Variants in ADAMTSL1 observed in about 807,000 individuals in gnomAD.
ADAMTSL1 encodes the protein ADAMTS-like protein 1.
A neutral mutation model predicts 201.8 loss-of-function variants in ADAMTSL1; 126 were observed. The observed-to-expected ratio is 0.62, with a 90% confidence interval of 0.54 to 0.72. The LOEUF (loss-of-function observed/expected upper bound fraction) is 0.72. ADAMTSL1 is among the 30% of genes least tolerant of loss of function. The pLI, the probability that ADAMTSL1 is intolerant of heterozygous loss-of-function variation, is 0.00. For synonymous variants in ADAMTSL1, 1,121 were observed against 903.4 expected, an observed-to-expected ratio of 1.24 and a Z score of -4.32; for missense variants, 2,679 against 2,277.8, an observed-to-expected ratio of 1.18 and a Z score of -3.59.
chr9:18,481,555 G>A (rs773317299), intron 1 of ADAMTSL1, among the ~76,000 whole-genome samples: 8 of 151,012 alleles, frequency 5.3e-5, no homozygotes, highest in Non-Finnish European at 7.4e-5. Context: ...CAACAGTTCT[G>A]TGATGGACAT....
chr9:18,400,025 G>T (rs1346673071), intron 2 of ADAMTSL1, among the ~76,000 whole-genome samples: 1 of 151,896 alleles, frequency 6.6e-6, no homozygotes, highest in East Asian at 1.9e-4. Flanking sequence ...GATGATTGAT[G>T]AGTGCTTTAC....
intron 1 of ADAMTSL1, among the ~76,000 whole-genome samples, chr9:18,003,497 C>G (rs564072495): frequency 6.6e-6 from 1 of 152,218 alleles, no homozygotes; most frequent in South Asian, 2.1e-4. Context: ...GTCTGCATTT[C>G]TTTCCCATCG....
chr9:18,355,979 A>C (rs1399168412), intron 2 of ADAMTSL1, among the ~76,000 whole-genome samples: 1 of 152,204 alleles, frequency 6.6e-6, no homozygotes, highest in Non-Finnish European at 1.5e-5. Flanking sequence ...GCTGCAGGAG[A>C]TGGCCCACCC....
Position 18,904,665 on chromosome 9 carries a change from AAAAAAAAGGTC to A in ADAMTSL1, c.4852-1116_4852-1106del. ...AAAAAAAAAAAAAAAAAAAAAAAAA[AAAAAAAAGGTC>A]CGTTTATGTGTATTTTACGATTTAA... On this transcript the variant is annotated intron_variant, in intron 26 of 28. Coordinates refer to ENST00000380548, the MANE Select transcript of ADAMTSL1 (RefSeq NM_001040272.6). Among the ~76,000 whole-genome samples the A allele has an allele frequency of 1.8e-5, 2 of 113,272 alleles. 1 individual carries two copies. The highest frequency in any genetic ancestry group is 5.9e-4 in the South Asian group (2 of 3,408). The allele number at this position is 113,272 out of a possible 152,430, so 74.3% of individuals were successfully genotyped here. A position where few individuals can be genotyped will look rare whatever the true frequency, so the allele number is the denominator to read the frequency against.
intron 26 of ADAMTSL1, 39 bp from the exon 27 acceptor site, chr9:18,905,743 T>G: frequency 1.3e-6 from 2 of 1,553,364 alleles, no homozygotes; most frequent in Non-Finnish European, 1.8e-6. Flanking sequence ...ACCCTTGACT[T>G]GGCTAATGTG....
intron 13 of ADAMTSL1, among the ~76,000 whole-genome samples, chr9:18,687,114 A>G (rs755282414): frequency 6.6e-6 from 1 of 152,238 alleles, no homozygotes; most frequent in Non-Finnish European, 1.5e-5. Flanking sequence ...AATTACTTTT[A>G]TACCAAAATA....
At chr9:18,870,813 T>C (rs1434795721) in intron 23 of ADAMTSL1, among the ~76,000 whole-genome samples, 1 of 152,214 alleles carries the variant, frequency 6.6e-6, no homozygotes, top group East Asian at 1.9e-4. Flanking sequence ...GTTTTGTTTT[T>C]GTTTAGATTT....
chr9:18,805,667 C>A (rs1321444171), intron 20 of ADAMTSL1, among the ~76,000 whole-genome samples: 1 of 152,156 alleles, frequency 6.6e-6, no homozygotes, highest in South Asian at 2.1e-4. Context: ...TGTAGACAGC[C>A]CTTTCTCCTG....
chr9:18,206,811 A>G (rs1829666568), intron 2 of ADAMTSL1, among the ~76,000 whole-genome samples: 1 of 152,154 alleles, frequency 6.6e-6, no homozygotes, highest in Non-Finnish European at 1.5e-5. Flanking sequence ...ATTATCTAGA[A>G]ATCTCTTGAC....
intron 1 of ADAMTSL1, among the ~76,000 whole-genome samples, chr9:18,016,862 C>T (rs538942664): frequency 6.6e-6 from 1 of 152,090 alleles, no homozygotes; most frequent in African/African-American, 2.4e-5. Flanking sequence ...TGGAAGCTGG[C>T]TTTGTAGCAA....
At chr9:18,294,921 T>G (rs1252885540) in intron 2 of ADAMTSL1, among the ~76,000 whole-genome samples, 3 of 152,132 alleles carry the variant, frequency 2.0e-5, no homozygotes, top group African/African-American at 7.2e-5. Context: ...ATGTCCTTCT[T>G]CTATCTTCCC....
chr9:18,543,984 C>T (rs774722640), intron 3 of ADAMTSL1, among the ~76,000 whole-genome samples: 1 of 152,202 alleles, frequency 6.6e-6, no homozygotes, highest in Non-Finnish European at 1.5e-5. Flanking sequence ...TCTGCTTCAA[C>T]TCTGACTCTC....
intron 1 of ADAMTSL1, among the ~76,000 whole-genome samples, chr9:18,000,795 A>G (rs1655168974): frequency 1.3e-5 from 2 of 152,230 alleles, no homozygotes; most frequent in South Asian, 4.1e-4. Flanking sequence ...TGCAGATGTC[A>G]TAGGCCAGAG....
rs33910243 is a variant in ADAMTSL1, at chr9:18,828,661, T to TTG, written c.4115-1182_4115-1181insTG. Among the ~76,000 whole-genome samples the TTG allele has an allele frequency of 1.3e-4, 8 of 60,408 alleles. 1 individual carries two copies. The highest frequency in any genetic ancestry group is 4.7e-4 in the African/African-American group (8 of 16,940). The allele number at this position is 60,408 out of a possible 152,430, so 39.6% of individuals were successfully genotyped here. A position where few individuals can be genotyped will look rare whatever the true frequency, so the allele number is the denominator to read the frequency against. On this transcript the variant is annotated intron_variant, in intron 22 of 28. Transcript: ENST00000380548. Reference sequence around the variant, plus strand: ...AAAAGGATTCTTTTGAAAGTATATTTATATATATATATATATATATATATA... The same window carrying TTG: ...AAAAGGATTCTTTTGAAAGTATATTTTGATATATATATATATATATATATATA...
rs114993879 is a variant in ADAMTSL1, at chr9:18,248,710, G to A, written c.207+84729G>A. ...TGCGGCAAACGCATCGTCCATTGCG[G>A]GGGGCCATAACCCTTTTTTGGTCTG... On this transcript the variant is annotated intron_variant, in intron 2 of 29. Transcript: ENST00000680146. Among the ~76,000 whole-genome samples the A allele has an allele frequency of 6.8e-3, 1,032 of 152,260 alleles. 17 individuals are homozygous for A. Among genetic ancestry groups the A allele is most frequent in the African/African-American group, 0.024 (1,001 of 41,536 alleles).
At chr9:18,128,728 C>G (rs10963461) in intron 1 of ADAMTSL1, among the ~76,000 whole-genome samples, 25,642 of 152,046 alleles carry the variant, frequency 0.17, 2,744 homozygotes, top group South Asian at 0.24. Context: ...GGATCTCTCT[C>G]TCCCCCCTTT....
intron 1 of ADAMTSL1, among the ~76,000 whole-genome samples, chr9:17,932,395 A>G (rs187105690): frequency 6.6e-6 from 1 of 152,262 alleles, no homozygotes; most frequent in African/African-American, 2.4e-5. Context: ...AGGAGGAAAA[A>G]AGGGAGAAAT....
At chr9:18,203,526 A>G (rs763010617) in intron 2 of ADAMTSL1, among the ~76,000 whole-genome samples, 7 of 151,374 alleles carry the variant, frequency 4.6e-5, no homozygotes, top group Non-Finnish European at 7.4e-5. Flanking sequence ...ATCAGAAAAG[A>G]AAGTTGAGCA....
chr9:18,469,003 C>T (rs371658830), intron 2 of ADAMTSL1, among the ~76,000 whole-genome samples: 1 of 152,218 alleles, frequency 6.6e-6, no homozygotes, highest in East Asian at 1.9e-4. Context: ...TTGCCCATTA[C>T]ACAACCTGCA....
Sources: gnomAD v4.1 joint callset for allele counts (sites outside exome capture counted in the v4.1 genomes callset) on GRCh38, gnomAD v4.1.1 for gene constraint, MANE v1.5 for transcripts, NCBI Gene and HGNC (gene_info 2026-07-23, HGNC 2026-07-21) for gene names.